CHD9: variants seen among roughly 807,000 people sequenced by gnomAD.
The protein encoded by CHD9 is chromodomain helicase DNA binding protein 9, also known as ATP-dependent chromatin remodeler CHD9.
CHD9 carries 77 observed loss-of-function variants against 316.1 expected under a neutral mutation model. That is an observed-to-expected ratio of 0.24 (90% CI 0.20 to 0.29). CHD9 has a LOEUF of 0.29. Among genes scored for constraint, CHD9 ranks in the 10% least tolerant of loss-of-function variants. The probability of loss-of-function intolerance (pLI) is 1.00; values close to 1 mark genes in which losing one functional copy is unlikely to be tolerated. For missense variants in CHD9, 2,763 were observed against 3,438.1 expected (o/e 0.80, Z 4.91); for synonymous variants, 1,129 against 1,158.3 (o/e 0.97, Z 0.51).
intron 36 of CHD9, among the ~76,000 whole-genome samples, chr16:53,315,429 C>T (rs2056804610): frequency 6.6e-6 from 1 of 152,204 alleles, no homozygotes; most frequent in Non-Finnish European, 1.5e-5. Flanking sequence ...AGGCACACCA[C>T]ATGCATTACC....
Position 53,325,278 on chromosome 16 carries a change from A to AT in CHD9, c.*386dup, listed in dbSNP as rs2057503789. Reference sequence around the variant, plus strand: ...TTTTACAGCCTCCTTGACACCTATAATTTACAGATCAAAACTCAGCAATAA... The same window carrying AT: ...TTTTACAGCCTCCTTGACACCTATAATTTTACAGATCAAAACTCAGCAATAA... On this transcript the variant is annotated 3_prime_UTR_variant, in exon 39 of 39. Transcript: ENST00000447540. 1 of 159,910 alleles carries AT rather than the reference A, an allele frequency of 6.3e-6. No individual in the cohort carries two copies. Among genetic ancestry groups the AT allele is most frequent in the Non-Finnish European group, 1.4e-5 (1 of 72,534 alleles). The allele number at this position is 159,910 out of a possible 1,614,324, so 9.9% of individuals were successfully genotyped here.
intron 2 of CHD9, among the ~76,000 whole-genome samples, chr16:53,204,255 C>T (rs901684000): frequency 6.6e-6 from 1 of 151,582 alleles, no homozygotes; most frequent in East Asian, 1.9e-4. Flanking sequence ...ATAATTTCTA[C>T]TTATATCCAC....
Position 53,245,523 on chromosome 16 carries a change from C to A in CHD9, c.3198+44C>A. ...TAAATACATTCATCGCATTTCTAAT[C>A]ATTGTAATTATTTTGTATGTGTAAT... On this transcript the variant is annotated intron_variant, in intron 14 of 38. Transcript: ENST00000447540. This position sits in a 1 kb window ranked among gnomAD's most constrained non-coding sequence, Gnocchi z 4.1. 2 of 1,541,974 alleles carry A rather than the reference C, an allele frequency of 1.3e-6. No individual in the cohort carries two copies. Among genetic ancestry groups the A allele is most frequent in the Non-Finnish European group, 1.7e-6 (2 of 1,147,800 alleles).
intron 1 of CHD9, among the ~76,000 whole-genome samples, chr16:53,127,911 C>G (rs1453725152): frequency 1.4e-5 from 2 of 140,394 alleles, no homozygotes; most frequent in Admixed American, 1.5e-4. Context: ...CCACTGCACT[C>G]CAGCCTGGCC....
chr16:53,271,605 A>C (rs2052278455), intron 22 of CHD9, among the ~76,000 whole-genome samples: 1 of 151,924 alleles, frequency 6.6e-6, no homozygotes, highest in African/African-American at 2.4e-5. Flanking sequence ...AAGAAAAAAA[A>C]ACATTAAAAT....
chr16:53,182,705 A>G lies in CHD9; in HGVS notation c.1452+25164A>G, dbSNP rs186895930. Among the ~76,000 whole-genome samples, 507 of 152,308 alleles carry G rather than the reference A, an allele frequency of 3.3e-3. 2 individuals are homozygous for G. The highest frequency in any genetic ancestry group is 5.3e-3 in the Non-Finnish European group (360 of 68,008). On this transcript the variant is annotated intron_variant, in intron 2 of 38. Coordinates refer to ENST00000447540, the MANE Select transcript of CHD9 (RefSeq NM_001308319.2). ...ATCAGACTTTAATACTTAAATCTAC[A>G]TAGGAATTTGAGCTAAAAGGAGGAA... is the stretch of plus-strand genomic sequence containing the variant.
rs1380455416 is a variant in CHD9, at chr16:53,157,223, A to T, written c.1134A>T (p.Val378=). The part of the protein sequence containing the change: ...GTQMGHFNDH[V]ETNGFSSLEE... ...AAATGGGCCATTTCAATGATCATGT[A>T]GAAACTAATGGCTTTTCATCTTTAG... Residue 378 remains valine, a synonymous_variant, in exon 2 of 39, where the codon GTA becomes GTT. Transcript: ENST00000447540. The T allele has an allele frequency of 6.2e-7, 1 of 1,602,118 alleles. No individual in the cohort carries two copies. The highest frequency in any genetic ancestry group is 1.3e-5 in the African/African-American group (1 of 74,892).
chr16:53,196,408 T>C (rs1198399659), intron 2 of CHD9, among the ~76,000 whole-genome samples: 1 of 152,172 alleles, frequency 6.6e-6, no homozygotes, highest in Non-Finnish European at 1.5e-5. Flanking sequence ...GTAAAATCCT[T>C]TCACTTTTGC....
chr16:53,227,069 T>C, intron 5 of CHD9: 1 of 233,054 alleles, frequency 4.3e-6, no homozygotes. Flanking sequence ...AGTACTTATT[T>C]AACTATGCCT....
Position 53,111,452 on chromosome 16 carries a change from T to G in CHD9, c.-164-44474T>G, listed in dbSNP as rs538412122. Among the ~76,000 whole-genome samples the G allele has an allele frequency of 1.2e-3, 184 of 152,378 alleles. 2 individuals carry two copies. In the Middle Eastern group the frequency reaches 0.024, roughly 20 times the overall value. ...TTAAAAATGTTTGAAAATCTTTGGA[T>G]TCATTGATCAGCTCTAGTATACGGT... On this transcript the variant is annotated intron_variant, in intron 1 of 38. Transcript: ENST00000447540.
chr16:53,241,624 A>G (rs1163055997), intron 12 of CHD9, among the ~76,000 whole-genome samples: 1 of 152,242 alleles, frequency 6.6e-6, no homozygotes, highest in Non-Finnish European at 1.5e-5. Context: ...CAGTTGTTCA[A>G]GCTAAAATTT....
intron 34 of CHD9, among the ~76,000 whole-genome samples, chr16:53,313,493 A>G (rs1211760403): frequency 1.3e-5 from 2 of 151,898 alleles, no homozygotes; most frequent in East Asian, 3.9e-4. Context: ...TTTAGTAGAG[A>G]CGTGTTTTTG....
At chr16:53,252,221 A>G (rs988384276) in intron 17 of CHD9, among the ~76,000 whole-genome samples, 5 of 152,354 alleles carry the variant, frequency 3.3e-5, no homozygotes, top group East Asian at 3.9e-4. Context: ...CCAATGGAAC[A>G]GAATAGAGAA....
chr16:53,189,306 A>C (rs1162729405), intron 2 of CHD9, among the ~76,000 whole-genome samples: 1 of 151,992 alleles, frequency 6.6e-6, no homozygotes, highest in East Asian at 1.9e-4. Context: ...TGGGTTTTTC[A>C]TACATGCCTT....
chr16:53,192,960 C>A (rs919458642), intron 2 of CHD9, among the ~76,000 whole-genome samples: 14 of 151,550 alleles, frequency 9.2e-5, no homozygotes, highest in Non-Finnish European at 1.9e-4. Flanking sequence ...TTTTTGTTAA[C>A]CATATGTTTT....
intron 22 of CHD9, 73 bp from the exon 23 acceptor site, chr16:53,273,553 G>C: frequency 8.8e-7 from 1 of 1,139,202 alleles, no homozygotes; most frequent in Non-Finnish European, 1.2e-6. Context: ...GAAATTTCTT[G>C]CATTGAAACA....
rs2153127328 is a variant in CHD9 at position 53,326,938 on chromosome 16, G to A, written c.*2043G>A. On this transcript the variant is annotated 3_prime_UTR_variant, in exon 39 of 39. Coordinates refer to ENST00000447540, the MANE Select transcript of CHD9 (RefSeq NM_001308319.2). ...AAAATCTAATTTATATCAAATTTAT[G>A]AGAGAAAGTATTTTCCTAATTATGG... 6.6e-6 allele frequency: 1 copy of A among 151,110 alleles called. No individual in the cohort carries two copies. Among genetic ancestry groups the A allele is most frequent in the East Asian group, 1.9e-4 (1 of 5,152 alleles). 9.4% of individuals were successfully genotyped at this position (151,110 alleles called of 1,614,324 possible).
intron 1 of CHD9, among the ~76,000 whole-genome samples, chr16:53,113,990 C>T (rs115529055): frequency 0.022 from 3,349 of 151,930 alleles, 145 homozygotes; most frequent in African/African-American, 0.077. Flanking sequence ...GTGTGAGCCA[C>T]CACACCCAAC....
At position 53,235,232 on chromosome 16, in the gene CHD9, C is replaced by A. The variant is rs1185405231; in HGVS notation, c.2559C>A (p.Asp853Glu). ...GGAAGAAAATAGATCAATCCAGGGA[C>A]TATAAAAATGGCAATCAACTCAGGG... ...NIWKKIDQSR[D>E]YKNGNQLREY... is the part of the protein sequence containing the mutation. Residue 853 changes from aspartate to glutamate, a missense_variant, in exon 11 of 39, where the codon GAC becomes GAA. Physicochemically the swap from Asp to Glu is conservative, Grantham distance 45. Transcript: ENST00000447540. 1.3e-6 allele frequency: 2 copies of A among 1,551,076 alleles called. No individual in the cohort carries two copies. Among genetic ancestry groups the A allele is most frequent in the Admixed American group, 2.0e-5 (1 of 51,244 alleles).
Sources: gnomAD v4.1 joint callset for allele counts (sites outside exome capture counted in the v4.1 genomes callset) on GRCh38, gnomAD v4.1.1 for gene constraint, Gnocchi (gnomAD v3.1) non-coding constraint, MANE v1.5 for transcripts, NCBI Gene and HGNC (gene_info 2026-07-23, HGNC 2026-07-21) for gene names.